KAZN: variants seen among roughly 807,000 people sequenced by gnomAD.
The protein encoded by KAZN is kazrin.
Under a neutral mutation model 87.4 loss-of-function variants are expected in KAZN, and 40 were observed. The observed-to-expected ratio is 0.46, with a 90% CI of 0.36 to 0.60. KAZN has a LOEUF of 0.60. Among genes scored for constraint, KAZN ranks in the 20% least tolerant of loss-of-function variants. The probability of loss-of-function intolerance (pLI) is 0.00; values close to 1 mark genes in which losing one functional copy is unlikely to be tolerated. For missense variants in KAZN, 898 were observed against 1,073.9 expected (o/e 0.84, Z 2.29); for synonymous variants, 466 against 458.3 (o/e 1.02, Z -0.22).
intron 2 of KAZN, among the ~76,000 whole-genome samples, chr1:14,234,543 TAAAGTA>T (rs1350120834): frequency 1.3e-5 from 2 of 151,924 alleles, no homozygotes; most frequent in Non-Finnish European, 2.9e-5. Context: ...CCCCAGAACT[TAAAGTA>T]TAATAATAAT....
intron 2 of KAZN, among the ~76,000 whole-genome samples, chr1:14,486,988 G>A (rs995462536): frequency 1.3e-5 from 2 of 152,236 alleles, no homozygotes; most frequent in Non-Finnish European, 2.9e-5. Context: ...CATCAGCTGT[G>A]TGTATTCAGA....
intron 2 of KAZN, among the ~76,000 whole-genome samples, chr1:14,329,500 T>A (rs2100865627): frequency 6.6e-6 from 1 of 152,296 alleles, no homozygotes; most frequent in African/African-American, 2.4e-5. Flanking sequence ...GGAGAAGACT[T>A]GGCAGGGACA....
At chr1:14,302,676 A>G (rs1373874695) in intron 2 of KAZN, among the ~76,000 whole-genome samples, 1 of 152,212 alleles carries the variant, frequency 6.6e-6, no homozygotes, top group Non-Finnish European at 1.5e-5. Flanking sequence ...GAGGGATCAG[A>G]GGTTTTATCA....
At chr1:14,121,587 C>A (rs936132691) in intron 1 of KAZN, among the ~76,000 whole-genome samples, 4 of 152,118 alleles carry the variant, frequency 2.6e-5, no homozygotes, top group Admixed American at 1.3e-4. Context: ...TTATTGAGGA[C>A]CTACTATGGG....
At chr1:14,859,323 A>G (rs1291028443) in intron 1 of KAZN, among the ~76,000 whole-genome samples, 1 of 152,196 alleles carries the variant, frequency 6.6e-6, no homozygotes, top group Non-Finnish European at 1.5e-5. Flanking sequence ...GCCATGTGCA[A>G]GAAGTATTTT....
chr1:14,129,793 G>C (rs1484118945), intron 1 of KAZN, among the ~76,000 whole-genome samples: 4 of 152,202 alleles, frequency 2.6e-5, no homozygotes, highest in African/African-American at 9.7e-5. Context: ...GAGCGAGAGA[G>C]AGAGAGGTTA....
intron 2 of KAZN, among the ~76,000 whole-genome samples, chr1:14,418,864 T>C (rs540080012): frequency 6.6e-6 from 1 of 152,272 alleles, no homozygotes; most frequent in East Asian, 1.9e-4. Flanking sequence ...AGTACACTTG[T>C]GTGTGTGCAA....
At chr1:14,908,630 T>C (rs151247141) in intron 1 of KAZN, among the ~76,000 whole-genome samples, 2,990 of 152,126 alleles carry the variant, frequency 0.02, 110 homozygotes, top group African/African-American at 0.068. Context: ...GGTGGGAGGA[T>C]TGCTTGAGGC....
At chr1:14,602,497 C>T (rs1677058328) in intron 1 of KAZN, among the ~76,000 whole-genome samples, 1 of 152,184 alleles carries the variant, frequency 6.6e-6, no homozygotes, top group Non-Finnish European at 1.5e-5. Context: ...AGAACAGAGC[C>T]AAGCATTTGT....
intron 1 of KAZN, among the ~76,000 whole-genome samples, chr1:14,051,761 A>G (rs1642339106): frequency 6.6e-6 from 1 of 151,966 alleles, no homozygotes; most frequent in Non-Finnish European, 1.5e-5. Flanking sequence ...GATGGCTTGA[A>G]CCCGGGAGGC....
intron 2 of KAZN, among the ~76,000 whole-genome samples, chr1:14,590,366 G>T (rs536380933): frequency 1.3e-5 from 2 of 152,294 alleles, no homozygotes; most frequent in Admixed American, 6.5e-5. Context: ...AGAGAGTGAA[G>T]GGGATTGGGT....
intron 2 of KAZN, among the ~76,000 whole-genome samples, chr1:14,458,237 T>C (rs953362742): frequency 6.6e-6 from 1 of 152,234 alleles, no homozygotes; most frequent in Non-Finnish European, 1.5e-5. Context: ...TATAAAAAAT[T>C]CTAATGGTTG....
chr1:13,922,911 T>C (rs892657792), intron 1 of KAZN, among the ~76,000 whole-genome samples: 2 of 152,200 alleles, frequency 1.3e-5, no homozygotes, highest in African/African-American at 4.8e-5. Flanking sequence ...CGTCAGCACA[T>C]AGTAGATGGA....
At chr1:13,955,152 A>G (rs1315621475) in intron 1 of KAZN, among the ~76,000 whole-genome samples, 2 of 152,154 alleles carry the variant, frequency 1.3e-5, no homozygotes, top group Non-Finnish European at 2.9e-5. Flanking sequence ...GTGACTGTAT[A>G]TGGGTGGTGA....
chr1:14,515,071 A>G (rs891803921), intron 2 of KAZN, among the ~76,000 whole-genome samples: 7 of 152,102 alleles, frequency 4.6e-5, no homozygotes, highest in Non-Finnish European at 1.0e-4. Context: ...CCATGTACCC[A>G]GTTCTTCTAG....
intron 2 of KAZN, among the ~76,000 whole-genome samples, chr1:14,992,801 G>C (rs182902853): frequency 2.2e-4 from 33 of 151,678 alleles, no homozygotes; most frequent in South Asian, 1.7e-3. Flanking sequence ...CCACCAACAC[G>C]CCCAGATAAT....
intron 1 of KAZN, among the ~76,000 whole-genome samples, chr1:14,028,601 A>T (rs1402415309): frequency 6.6e-6 from 1 of 152,264 alleles, no homozygotes. Flanking sequence ...AAAATTCAAG[A>T]TCAATACAGG....
chr1:13,909,013 G>A (rs1402057865), intron 1 of KAZN, among the ~76,000 whole-genome samples: 1 of 152,174 alleles, frequency 6.6e-6, no homozygotes, highest in Non-Finnish European at 1.5e-5. Flanking sequence ...TCGCTTCTTG[G>A]TACACGCAGG....
intron 1 of KAZN, among the ~76,000 whole-genome samples, chr1:14,047,845 G>A (rs1381222067): frequency 2.0e-5 from 3 of 151,188 alleles, no homozygotes; most frequent in Non-Finnish European, 2.9e-5. Flanking sequence ...TCCAGCCTGG[G>A]TGACAGAGTG....
Sources: gnomAD v4.1 joint callset for allele counts (sites outside exome capture counted in the v4.1 genomes callset) on GRCh38, gnomAD v4.1.1 for gene constraint, MANE v1.5 for transcripts, NCBI Gene and HGNC (gene_info 2026-07-23, HGNC 2026-07-21) for gene names.